Variants in INCENP observed in about 807,000 individuals in gnomAD.
INCENP encodes the protein inner centromere protein, also known as binds and activates aurora-B and -C in vivo and in vitro.
A neutral mutation model predicts 107.3 loss-of-function variants in INCENP; 43 were observed. The observed-to-expected ratio is 0.40, with a 90% CI of 0.31 to 0.52. The LOEUF (loss-of-function observed/expected upper bound fraction) is 0.52, where lower values mean the gene tolerates loss of function less well. Among genes scored for constraint, INCENP ranks in the 20% least tolerant of loss-of-function variants. The pLI is 0.53. For synonymous variants in INCENP, 488 were observed against 494.4 expected, an observed-to-expected ratio of 0.99 and a Z score of 0.17; for missense variants, 1,089 against 1,250.9, an observed-to-expected ratio of 0.87 and a Z score of 1.95.
At chr11:62,134,568 A>G (rs1264316770) in intron 4 of INCENP, among the ~76,000 whole-genome samples, 1 of 152,182 alleles carries the variant, frequency 6.6e-6, no homozygotes, top group Non-Finnish European at 1.5e-5. Context: ...TTAACATTAT[A>G]AAATGCAAGT....
chr11:62,141,158 G>C (rs570394297), intron 10 of INCENP, 114 bp downstream of exon 10: 2 of 1,411,326 alleles, frequency 1.4e-6, no homozygotes, highest in Non-Finnish European at 1.9e-6. Flanking sequence ...GGCAAGTGTG[G>C]CCTGGCACTG....
At chr11:62,147,155 A>G (rs1944270060) in intron 15 of INCENP, among the ~76,000 whole-genome samples, 2 of 152,052 alleles carry the variant, frequency 1.3e-5, no homozygotes, top group African/African-American at 4.8e-5. Context: ...GTCTTTTTGT[A>G]ACTGTCAGGA....
chr11:62,151,944 A>G lies in INCENP; in HGVS notation c.2725A>G (p.Ser909Gly). The G allele has an allele frequency of 6.2e-7, 1 of 1,612,340 alleles. No homozygotes were observed. The highest frequency in any genetic ancestry group is 8.5e-7 in the Non-Finnish European group (1 of 1,179,998). ...GCCCCTGCAGGGCGCCAGGGTCCCCAGCAGCCTGGCCTACAGCCTGAAGAA... is the reference window on the plus strand; with the variant it reads ...GCCCCTGCAGGGCGCCAGGGTCCCCGGCAGCCTGGCCTACAGCCTGAAGAA... ...SPPLQGARVP[S>G]SLAYSLKKH The change falls in exon 19 of 19, where the codon AGC becomes GGC. Residue 909 changes from serine (S) to glycine (G), a missense_variant. By Grantham distance (56) the Ser-to-Gly change is moderately conservative. Transcript: ENST00000394818.
chr11:62,124,972 G>A (rs1943719409), intron 1 of INCENP, among the ~76,000 whole-genome samples: 3 of 152,354 alleles, frequency 2.0e-5, no homozygotes, highest in African/African-American at 7.2e-5. Context: ...TGTGGTAGGC[G>A]CCCAACTTAC....
intron 4 of INCENP, among the ~76,000 whole-genome samples, chr11:62,134,662 T>C (rs1375521218): frequency 6.6e-6 from 1 of 152,222 alleles, no homozygotes; most frequent in East Asian, 1.9e-4. Flanking sequence ...GACACTGGCA[T>C]TATTCTACAT....
chr11:62,138,857 A>G (rs749565000), intron 6 of INCENP, 31 bp from the exon 7 acceptor site: 3 of 1,605,064 alleles, frequency 1.9e-6, no homozygotes, highest in Non-Finnish European at 2.6e-6. Flanking sequence ...GTTCCAGGTC[A>G]AGACCCCTAA....
chr11:62,129,723 G>T, intron 3 of INCENP, 59 bp from the exon 4 acceptor site: 4 of 1,398,508 alleles, frequency 2.9e-6, no homozygotes, highest in African/African-American at 1.4e-5. Context: ...CTCTTGGAGA[G>T]ACTGGGTGCC....
At chr11:62,145,785 G>A in intron 14 of INCENP, 34 bp downstream of exon 14, 1 of 1,540,888 alleles carries the variant, frequency 6.5e-7, no homozygotes, top group Non-Finnish European at 8.8e-7. Context: ...GGAGGAGGTG[G>A]GCGGGGTGGG....
chr11:62,153,017 ATTG>A lies in INCENP; in HGVS notation c.*1046_*1048del. 6.6e-6 allele frequency: 1 copy of A among 152,342 alleles called. No homozygotes were observed. Among genetic ancestry groups the A allele is most frequent in the East Asian group, 1.9e-4 (1 of 5,184 alleles). 9.4% of individuals were successfully genotyped at this position (152,342 alleles called of 1,614,324 possible). A position where few individuals can be genotyped will look rare whatever the true frequency, so the allele number is the denominator to read the frequency against. ...ACAAGCAATGGAAATGCCCATTTCC[ATTG>A]TTGTCTCCAGTTGCTCTGCTCCGAG... On this transcript the variant is annotated 3_prime_UTR_variant, in exon 19 of 19. Transcript: ENST00000394818.
Position 62,141,031 on chromosome 11 carries a change from G to C in INCENP, c.1580G>C (p.Arg527Pro), listed in dbSNP as rs746144974. ...KSFIKRNTPL[R>P]MDPKCSFVEK... Reference sequence around the variant, plus strand: ...TTTATTAAGCGCAACACTCCCCTGCGCATGGACCCCAAGGTGAGGGGCCTG... The same window carrying C: ...TTTATTAAGCGCAACACTCCCCTGCCCATGGACCCCAAGGTGAGGGGCCTG... The change falls in exon 10 of 19, where the codon CGC (arginine) becomes CCC (proline). Residue 527 changes from arginine to proline, a missense_variant. Arg to Pro is a moderately radical substitution (Grantham distance 103). Transcript: ENST00000394818. 1.2e-6 allele frequency: 2 copies of C among 1,613,438 alleles called. No individual in the cohort carries two copies. Among genetic ancestry groups the C allele is most frequent in the African/African-American group, 2.7e-5 (2 of 74,928 alleles).
At chr11:62,137,703 G>C in intron 4 of INCENP, 129 bp from the exon 5 acceptor site, 1 of 797,652 alleles carries the variant, frequency 1.3e-6, no homozygotes, top group Non-Finnish European at 2.2e-6. Context: ...CCTGGGCATG[G>C]TGGGGGCTCC....
In INCENP at chr11:62,145,607, C is replaced by T. The variant is rs1792925; in HGVS notation, c.1837-22C>T. The T allele has an allele frequency of 4.0e-3, 6,373 of 1,587,610 alleles. 230 individuals carry two copies. The African/African-American group carries it at 0.076, about 19-fold the overall frequency. On this transcript the variant is annotated intron_variant, in intron 13 of 18. Coordinates refer to ENST00000394818, the MANE Select transcript of INCENP (RefSeq NM_001040694.2). ...GATTGAATGTGGGTGCTCCAATGGG[C>T]ATGTGTGGGTGGGCTCTGCAGGCCA...
At chr11:62,148,591 G>A in intron 16 of INCENP, 37 bp downstream of exon 16, 1 of 1,576,792 alleles carries the variant, frequency 6.3e-7, no homozygotes, top group Non-Finnish European at 8.6e-7. Context: ...CCTGGGGTCT[G>A]CCCTGAGCTG....
intron 1 of INCENP, among the ~76,000 whole-genome samples, chr11:62,125,728 T>C (rs1439552203): frequency 1.3e-5 from 2 of 152,220 alleles, no homozygotes; most frequent in South Asian, 4.1e-4. Flanking sequence ...GGTGTAGAGT[T>C]GATGGGTGGA....
intron 4 of INCENP, among the ~76,000 whole-genome samples, chr11:62,135,661 G>A (rs1427047959): frequency 3.9e-5 from 6 of 152,176 alleles, no homozygotes; most frequent in Non-Finnish European, 8.8e-5. Flanking sequence ...CGTCTTCCAA[G>A]TGTTGACACC....
intron 1 of INCENP, among the ~76,000 whole-genome samples, chr11:62,126,749 A>C (rs1943759113): frequency 6.6e-6 from 1 of 152,218 alleles, no homozygotes; most frequent in Admixed American, 6.5e-5. Context: ...ATATAAAATG[A>C]CATAGTATTT....
intron 11 of INCENP, 24 bp from the exon 12 acceptor site, chr11:62,144,958 C>T (rs949573895): frequency 6.3e-7 from 1 of 1,576,822 alleles, no homozygotes; most frequent in Non-Finnish European, 8.6e-7. Flanking sequence ...CATGTCCCAT[C>T]TCCCTCGCTC....
At chr11:62,141,105 G>A in intron 10 of INCENP, 61 bp downstream of exon 10, 2 of 1,562,562 alleles carry the variant, frequency 1.3e-6, no homozygotes, top group Admixed American at 3.9e-5. Context: ...TGAAGGTCCA[G>A]TCTGTCCTGT....
At chr11:62,135,728 T>A (rs950248245) in intron 4 of INCENP, among the ~76,000 whole-genome samples, 3 of 152,214 alleles carry the variant, frequency 2.0e-5, no homozygotes, top group Non-Finnish European at 4.4e-5. Flanking sequence ...ATCAGAAAAG[T>A]CCTTAGATAT....
Sources: gnomAD v4.1 joint callset for allele counts (sites outside exome capture counted in the v4.1 genomes callset) on GRCh38, gnomAD v4.1.1 for gene constraint, MANE v1.5 for transcripts, NCBI Gene and HGNC (gene_info 2026-07-23, HGNC 2026-07-21) for gene names.